The following ALK variants were observed in gnomAD, a reference collection of about 807,000 sequenced individuals.
The protein encoded by ALK is ALK tyrosine kinase receptor.
In ALK, 74 loss-of-function variants were observed where a neutral mutation model predicts 163.1. That is an observed-to-expected ratio of 0.45 (90% CI 0.38 to 0.55). ALK has a LOEUF of 0.55. Among genes scored for constraint, ALK ranks in the 20% least tolerant of loss-of-function variants. ALK has a pLI of 0.00. For missense variants in ALK, 2,063 were observed against 2,105.3 expected, an observed-to-expected ratio of 0.98 and a Z score of 0.39; for synonymous variants, 960 against 843.2, an observed-to-expected ratio of 1.14 and a Z score of -2.40.
chr2:29,885,430 T>C (rs567489995), intron 1 of ALK, among the ~76,000 whole-genome samples: 18 of 152,298 alleles, frequency 1.2e-4, no homozygotes, highest in African/African-American at 3.6e-4. Context: ...ACTGTTGTTA[T>C]AGAAAACGTT....
chr2:29,507,378 G>C (rs931228436), intron 4 of ALK, among the ~76,000 whole-genome samples: 10 of 152,282 alleles, frequency 6.6e-5, no homozygotes, highest in Admixed American at 6.5e-4. Flanking sequence ...GGAGGTAGGG[G>C]GAAGTGGGGA....
chr2:29,527,975 C>T (rs1205411285), intron 4 of ALK, among the ~76,000 whole-genome samples: 2 of 152,200 alleles, frequency 1.3e-5, no homozygotes, highest in Non-Finnish European at 1.5e-5. Context: ...AGGCTTTGTG[C>T]TGAGAATTTC....
chr2:29,758,533 T>C (rs1385148042), intron 1 of ALK, among the ~76,000 whole-genome samples: 1 of 152,192 alleles, frequency 6.6e-6, no homozygotes, highest in Non-Finnish European at 1.5e-5. Context: ...ACAGGATTTG[T>C]ACCTTGTAGA....
rs377357161 is a variant in ALK, at chr2:29,354,551, C to CCATCCTTCTT, written c.1283-26080_1283-26071dup. Among the ~76,000 whole-genome samples, 822 of 151,060 alleles carry CCATCCTTCTT rather than the reference C, an allele frequency of 5.4e-3. 7 individuals are homozygous for CCATCCTTCTT. The highest frequency in any genetic ancestry group is 0.019 in the African/African-American group (775 of 41,026). On this transcript the variant is annotated intron_variant, in intron 5 of 28. Transcript: ENST00000389048. ...GAGCCATGGCATCGTGCACCGGAGA[C>CCATCCTTCTT]CATCCTTCTTCATCCTTCTTCTCAA...
At chr2:29,367,722 C>T (rs772092801) in intron 5 of ALK, among the ~76,000 whole-genome samples, 10 of 152,230 alleles carry the variant, frequency 6.6e-5, no homozygotes, top group Non-Finnish European at 1.2e-4. Flanking sequence ...TTGAAGGGCC[C>T]ATTCTTGCAA....
chr2:29,809,074 A>G (rs948599031), intron 1 of ALK, among the ~76,000 whole-genome samples: 7 of 152,200 alleles, frequency 4.6e-5, no homozygotes, highest in African/African-American at 1.7e-4. Context: ...TATTGATGAC[A>G]CCAGGTCAGT....
chr2:29,288,879 G>T (rs767382132), intron 9 of ALK, among the ~76,000 whole-genome samples: 4 of 149,596 alleles, frequency 2.7e-5, no homozygotes, highest in Non-Finnish European at 5.9e-5. Flanking sequence ...TTGAACCCAG[G>T]AGGTGGAGGT....
chr2:29,374,055 G>A (rs527454575), intron 5 of ALK, among the ~76,000 whole-genome samples: 1 of 152,338 alleles, frequency 6.6e-6, no homozygotes, highest in South Asian at 2.1e-4. Context: ...GCTCAGGCAA[G>A]GCGCAGATGG....
chr2:29,699,552 A>C (rs1301029824), intron 2 of ALK, among the ~76,000 whole-genome samples: 1 of 152,242 alleles, frequency 6.6e-6, no homozygotes, highest in Non-Finnish European at 1.5e-5. Context: ...GAAGTGTTTT[A>C]TCTTGGTTAC....
At chr2:29,283,975 G>A (rs942000241) in intron 9 of ALK, among the ~76,000 whole-genome samples, 3 of 152,174 alleles carry the variant, frequency 2.0e-5, no homozygotes, top group Admixed American at 2.0e-4. Flanking sequence ...AGTCAGTGAT[G>A]TGATTCACGT....
intron 1 of ALK, among the ~76,000 whole-genome samples, chr2:29,861,230 C>A (rs537817854): frequency 6.6e-6 from 1 of 152,146 alleles, no homozygotes; most frequent in African/African-American, 2.4e-5. Context: ...AACATCAGAT[C>A]TCAAGGAGCT....
chr2:29,555,890 A>G (rs752723247), intron 3 of ALK, among the ~76,000 whole-genome samples: 7 of 152,260 alleles, frequency 4.6e-5, no homozygotes, highest in Non-Finnish European at 1.0e-4. Flanking sequence ...AAATATTTAT[A>G]AACATGACTT....
chr2:29,909,892 T>G (rs1468188846), intron 1 of ALK, among the ~76,000 whole-genome samples: 1 of 150,634 alleles, frequency 6.6e-6, no homozygotes, highest in Non-Finnish European at 1.5e-5. Context: ...GACAAGTCAA[T>G]TAACTGTCAA....
intron 5 of ALK, among the ~76,000 whole-genome samples, chr2:29,343,838 T>A (rs890495806): frequency 6.6e-6 from 1 of 151,972 alleles, no homozygotes; most frequent in African/African-American, 2.4e-5. Context: ...GACTGGCAGG[T>A]CCCCAGGTAC....
chr2:29,658,479 T>C (rs1039652543), intron 3 of ALK, among the ~76,000 whole-genome samples: 1 of 152,230 alleles, frequency 6.6e-6, no homozygotes, highest in African/African-American at 2.4e-5. Flanking sequence ...ATATATCTTT[T>C]CTTGGAGACA....
intron 7 of ALK, among the ~76,000 whole-genome samples, chr2:29,320,261 G>T (rs1025287862): frequency 6.6e-6 from 1 of 152,196 alleles, no homozygotes; most frequent in East Asian, 1.9e-4. Context: ...TTAAATCAGG[G>T]GTGAGGTAGG....
At chr2:29,752,976 G>A (rs759026004) in intron 1 of ALK, among the ~76,000 whole-genome samples, 2 of 152,098 alleles carry the variant, frequency 1.3e-5, no homozygotes, top group Non-Finnish European at 1.5e-5. Context: ...CCCAGCCCAG[G>A]GTCACAGGTT....
intron 1 of ALK, among the ~76,000 whole-genome samples, chr2:29,729,106 A>AGCC (rs1312085394): frequency 1.2e-4 from 18 of 152,192 alleles, no homozygotes; most frequent in Non-Finnish European, 2.1e-4. Flanking sequence ...CCTGGAACCC[A>AGCC]GCCACTAAAC....
intron 1 of ALK, among the ~76,000 whole-genome samples, chr2:29,832,316 G>A (rs561530801): frequency 1.3e-5 from 2 of 152,258 alleles, no homozygotes; most frequent in East Asian, 1.9e-4. Context: ...ATAGGTCGCC[G>A]GCAGGAGGTC....
Sources: gnomAD v4.1 joint callset for allele counts (sites outside exome capture counted in the v4.1 genomes callset) on GRCh38, gnomAD v4.1.1 for gene constraint, MANE v1.5 for transcripts, NCBI Gene and HGNC (gene_info 2026-07-23, HGNC 2026-07-21) for gene names.